LSM12: variants seen among roughly 807,000 people sequenced by gnomAD.
LSM12 encodes the protein protein LSM12.
For synonymous variants in LSM12, 74 were observed against 87.3 expected, an observed-to-expected ratio of 0.85 and a Z score of 0.85; for missense variants, 108 against 238.9, an observed-to-expected ratio of 0.45 and a Z score of 3.61.
chr17:44,051,030 T>C (rs939012821), intron 2 of LSM12, among the ~76,000 whole-genome samples: 1 of 151,898 alleles, frequency 6.6e-6, no homozygotes, highest in African/African-American at 2.4e-5. Context: ...TCCCAACACT[T>C]TGGGAGGCTG....
At chr17:44,037,355 C>T in intron 4 of LSM12, 57 bp downstream of exon 4, 1 of 1,519,630 alleles carries the variant, frequency 6.6e-7, no homozygotes, top group Middle Eastern at 2.5e-4. Context: ...GTGCTAAAGA[C>T]TGAAGGCCTG....
At chr17:44,047,132 T>C (rs2049579827) in intron 2 of LSM12, among the ~76,000 whole-genome samples, 1 of 152,248 alleles carries the variant, frequency 6.6e-6, no homozygotes, top group South Asian at 2.1e-4. Flanking sequence ...AGTTTCACAC[T>C]GTGGTTTTCA....
chr17:44,051,361 A>C (rs984767004), intron 2 of LSM12, among the ~76,000 whole-genome samples: 13 of 141,598 alleles, frequency 9.2e-5, no homozygotes, highest in Admixed American at 9.1e-4. Flanking sequence ...ACTGCTCTTT[A>C]GCCTGGCGAC....
intron 2 of LSM12, among the ~76,000 whole-genome samples, chr17:44,043,530 G>A (rs1480760948): frequency 1.3e-5 from 2 of 149,488 alleles, no homozygotes; most frequent in East Asian, 4.0e-4. Context: ...AAAAACCCCG[G>A]TAACAAGGAG....
intron 2 of LSM12, among the ~76,000 whole-genome samples, chr17:44,043,227 A>T (rs1011511631): frequency 1.3e-5 from 2 of 152,236 alleles, no homozygotes; most frequent in East Asian, 3.8e-4. Flanking sequence ...CCCGGGTAAG[A>T]GAGGGAAGAA....
intron 2 of LSM12, among the ~76,000 whole-genome samples, chr17:44,058,169 G>A (rs979342576): frequency 9.9e-5 from 15 of 151,246 alleles, no homozygotes; most frequent in African/African-American, 9.7e-5. Context: ...CCCAGGAGGC[G>A]GAGCTTGCAG....
At chr17:44,050,008 G>A (rs1351261563) in intron 2 of LSM12, among the ~76,000 whole-genome samples, 1 of 152,234 alleles carries the variant, frequency 6.6e-6, no homozygotes. Flanking sequence ...AGGGATGGCA[G>A]ACCAGAGTGG....
At chr17:44,045,431 A>G (rs2049550134) in intron 2 of LSM12, among the ~76,000 whole-genome samples, 1 of 152,156 alleles carries the variant, frequency 6.6e-6, no homozygotes, top group African/African-American at 2.4e-5. Context: ...CACATTTCTG[A>G]GGTTCATCCA....
chr17:44,037,964 G>T (rs1394794339), intron 3 of LSM12, among the ~76,000 whole-genome samples: 3 of 152,180 alleles, frequency 2.0e-5, no homozygotes, highest in Non-Finnish European at 4.4e-5. Flanking sequence ...TACAAAAGTA[G>T]CATGGACAAT....
In LSM12 at chr17:44,040,240, C is replaced by T. The variant is rs773524576; in HGVS notation, c.275G>A (p.Arg92Gln). ...GCTCAGCTTCTCCTCCTTCTCTGTCCGTGCTTTGCTGGCAAGCTAGGGTGG... is the reference window on the plus strand; with the variant it reads ...GCTCAGCTTCTCCTCCTTCTCTGTCTGTGCTTTGCTGGCAAGCTAGGGTGG... ...LNVSKLASKA[R>Q]TEKEEKLSQA... The change falls in exon 3 of 5, where the codon CGG (arginine) becomes CAG (glutamine). Residue 92 changes from arginine (R) to glutamine (Q), a missense_variant. Transcript: ENST00000293406. 3.7e-6 allele frequency: 6 copies of T among 1,613,656 alleles called. No individual in the cohort carries two copies. The highest frequency in any genetic ancestry group is 2.2e-5 in the East Asian group (1 of 44,898).
At chr17:44,039,633 G>A (rs956957267) in intron 3 of LSM12, among the ~76,000 whole-genome samples, 4 of 150,900 alleles carry the variant, frequency 2.7e-5, no homozygotes, top group South Asian at 2.1e-4. Flanking sequence ...CACCTGCCTC[G>A]GCCTCCCAAA....
intron 2 of LSM12, among the ~76,000 whole-genome samples, chr17:44,060,466 A>C (rs1208636159): frequency 2.0e-5 from 3 of 152,228 alleles, no homozygotes; most frequent in African/African-American, 7.2e-5. Flanking sequence ...AAGCATCCTA[A>C]AAGGTTGATT....
intron 2 of LSM12, among the ~76,000 whole-genome samples, chr17:44,062,809 G>T (rs1567963280): frequency 1.3e-5 from 2 of 151,844 alleles, no homozygotes; most frequent in Admixed American, 6.6e-5. Flanking sequence ...GACTGCCTGA[G>T]CTCAGGAGTT....
At chr17:44,043,315 G>A (rs567465150) in intron 2 of LSM12, among the ~76,000 whole-genome samples, 6 of 152,300 alleles carry the variant, frequency 3.9e-5, no homozygotes, top group African/African-American at 1.4e-4. Context: ...GACAAATACA[G>A]CAGCAATATA....
chr17:44,038,860 A>G (rs377064996), intron 3 of LSM12, among the ~76,000 whole-genome samples: 30 of 152,282 alleles, frequency 2.0e-4, no homozygotes, highest in African/African-American at 7.0e-4. Flanking sequence ...ACATACCTGT[A>G]AATGTTCAGA....
At chr17:44,038,983 G>C (rs1261295197) in intron 3 of LSM12, among the ~76,000 whole-genome samples, 1 of 152,124 alleles carries the variant, frequency 6.6e-6, no homozygotes, top group African/African-American at 2.4e-5. Flanking sequence ...AGGCGGGGTG[G>C]AGAGGGGTGT....
intron 2 of LSM12, among the ~76,000 whole-genome samples, chr17:44,062,221 CAAAAA>C (rs529081923): frequency 1.6e-5 from 1 of 63,890 alleles, no homozygotes; most frequent in Admixed American, 1.9e-4. Context: ...GACTCCGTCT[CAAAAA>C]AAAAAAAAAA....
intron 2 of LSM12, among the ~76,000 whole-genome samples, chr17:44,050,535 T>TG (rs1437018262): frequency 1.3e-5 from 2 of 149,902 alleles, no homozygotes; most frequent in Non-Finnish European, 3.0e-5. Context: ...TTTTTTGAGA[T>TG]GGAGTCTCGC....
upstream of LSM12, chr17:44,066,739 T>G (rs2049886221): frequency 1.0e-6 from 1 of 994,600 alleles, no homozygotes; most frequent in South Asian, 4.8e-5. Flanking sequence ...GGATCCTAGG[T>G]GGAGTGGGAA....
Sources: allele counts gnomAD v4.1 joint callset (sites outside exome capture counted in the v4.1 genomes callset), GRCh38; gene constraint gnomAD v4.1.1; transcripts MANE v1.5; gene names NCBI Gene and HGNC (gene_info 2026-07-23, HGNC 2026-07-21).